SUSD6: variants seen among roughly 807,000 people sequenced by gnomAD.
SUSD6 encodes sushi domain-containing protein 6.
Under a neutral mutation model 28.4 loss-of-function variants are expected in SUSD6, and 16 were observed. That is an observed-to-expected ratio of 0.56 (90% CI 0.38 to 0.86). SUSD6 has a LOEUF of 0.86. Among genes scored for constraint, SUSD6 ranks in the 40% least tolerant of loss-of-function variants. SUSD6 has a pLI of 0.00. For missense variants in SUSD6, 341 were observed against 384.2 expected (o/e 0.89, Z 0.94); for synonymous variants, 147 against 159.6 (o/e 0.92, Z 0.59).
At chr14:69,692,944 GAT>G (rs1886173657) in intron 2 of SUSD6, among the ~76,000 whole-genome samples, 1 of 152,202 alleles carries the variant, frequency 6.6e-6, no homozygotes, top group Non-Finnish European at 1.5e-5. Flanking sequence ...TCAGGTAGGT[GAT>G]ATGGTGAAGG....
chr14:69,658,918 T>C (rs1885624104), intron 2 of SUSD6, among the ~76,000 whole-genome samples: 2 of 152,154 alleles, frequency 1.3e-5, no homozygotes, highest in Admixed American at 6.5e-5. Flanking sequence ...GGGAGCCTGC[T>C]GGTGGTAACC....
intron 2 of SUSD6, among the ~76,000 whole-genome samples, chr14:69,685,768 G>A (rs1301084686): frequency 6.6e-6 from 1 of 152,156 alleles, no homozygotes; most frequent in African/African-American, 2.4e-5. Flanking sequence ...GAAGTAGTGG[G>A]GATTCTGAAG....
chr14:69,701,940 A>G (rs1332570107), intron 2 of SUSD6, among the ~76,000 whole-genome samples: 1 of 152,102 alleles, frequency 6.6e-6, no homozygotes, highest in Non-Finnish European at 1.5e-5. Context: ...CCACTCCCCA[A>G]CCTGGCTGGC....
At chr14:69,612,981 G>C (rs1371524266) in intron 1 of SUSD6, among the ~76,000 whole-genome samples, 1 of 152,156 alleles carries the variant, frequency 6.6e-6, no homozygotes, top group Non-Finnish European at 1.5e-5. Context: ...TCACCATCTA[G>C]TGGAGGCTAG....
intron 1 of SUSD6, among the ~76,000 whole-genome samples, chr14:69,614,394 ATC>A (rs1884928909): frequency 6.6e-6 from 1 of 152,138 alleles, no homozygotes; most frequent in South Asian, 2.1e-4. Flanking sequence ...GTAATGTTGC[ATC>A]TCTCAGTAGG....
chr14:69,691,658 A>G (rs1007909922), intron 2 of SUSD6, among the ~76,000 whole-genome samples: 4 of 152,210 alleles, frequency 2.6e-5, no homozygotes, highest in African/African-American at 9.6e-5. Context: ...TGTTCTGGGC[A>G]GTGGCAGAAA....
intron 2 of SUSD6, among the ~76,000 whole-genome samples, chr14:69,669,796 AGT>A (rs1274587456): frequency 6.6e-6 from 1 of 151,530 alleles, no homozygotes; most frequent in Non-Finnish European, 1.5e-5. Flanking sequence ...AAGGAAGGAG[AGT>A]GGGCTTTGTG....
At chr14:69,700,429 C>T (rs747507939) in intron 2 of SUSD6, among the ~76,000 whole-genome samples, 63 of 152,094 alleles carry the variant, frequency 4.1e-4, no homozygotes, top group Non-Finnish European at 2.5e-4. Context: ...TCAGCGGCTC[C>T]CCCTTTTCTT....
chr14:69,688,770 T>C (rs1486709507), intron 2 of SUSD6, among the ~76,000 whole-genome samples: 2 of 152,244 alleles, frequency 1.3e-5, no homozygotes, highest in East Asian at 3.8e-4. Flanking sequence ...GGCAGACTTA[T>C]ATGGGCAGCT....
chr14:69,658,496 T>A lies in SUSD6; in HGVS notation c.-80-17T>A, dbSNP rs1033731356. 3.0e-6 allele frequency: 4 copies of A among 1,313,326 alleles called. No homozygotes were observed. The highest frequency in any genetic ancestry group is 4.4e-5 in the Admixed American group (2 of 45,960). 81.4% of individuals were successfully genotyped at this position (1,313,326 alleles called of 1,614,324 possible). ...TGGCTGAAGTTTTCACTTTATGTCC[T>A]TGTTTGTTTGTTACAGGTGAATCAG... is the stretch of plus-strand genomic sequence containing the variant. On this transcript the variant is annotated splice_polypyrimidine_tract_variant and intron_variant, in intron 1 of 5. Coordinates refer to ENST00000342745, the MANE Select transcript of SUSD6 (RefSeq NM_014734.4).
intron 2 of SUSD6, among the ~76,000 whole-genome samples, chr14:69,663,992 T>A (rs1377766890): frequency 6.6e-5 from 10 of 151,344 alleles, no homozygotes; most frequent in Admixed American, 2.0e-4. Flanking sequence ...TTTTTTTTTT[T>A]ATTTGAGATG....
chr14:69,633,563 GTTCAGATTAATTTCTTTTTTTCCTA>G (rs766229780), intron 1 of SUSD6, among the ~76,000 whole-genome samples: 2 of 152,038 alleles, frequency 1.3e-5, no homozygotes, highest in Non-Finnish European at 2.9e-5. Context: ...GATTATCTTG[GTTCAGATTAATTTCTTTTTTTCCTA>G]TTTTTTCATT....
chr14:69,698,423 C>T (rs1049449696), intron 2 of SUSD6, among the ~76,000 whole-genome samples: 1 of 152,226 alleles, frequency 6.6e-6, no homozygotes, highest in Non-Finnish European at 1.5e-5. Flanking sequence ...GCATGTCACA[C>T]TGATCTTTAT....
chr14:69,638,178 A>C, intron 1 of SUSD6, among the ~76,000 whole-genome samples: 1 of 152,132 alleles, frequency 6.6e-6, no homozygotes, highest in East Asian at 1.9e-4. Context: ...CAAATGATGA[A>C]TCTCTTTCCA....
chr14:69,693,782 G>A (rs1555346325), intron 2 of SUSD6, among the ~76,000 whole-genome samples: 1 of 152,186 alleles, frequency 6.6e-6, no homozygotes, highest in Non-Finnish European at 1.5e-5. Context: ...TGCAGAGCAG[G>A]CCCCTGGGTC....
chr14:69,626,113 G>A (rs1285050870), intron 1 of SUSD6, among the ~76,000 whole-genome samples: 1 of 152,028 alleles, frequency 6.6e-6, no homozygotes, highest in Admixed American at 6.5e-5. Context: ...CATTTTGAGA[G>A]GGGGGAAAAA....
chr14:69,713,519 T>C lies in SUSD6; in HGVS notation c.*2540T>C, dbSNP rs1214689976. The C allele has an allele frequency of 6.6e-6, 1 of 152,362 alleles. No individual in the cohort carries two copies. Among genetic ancestry groups the C allele is most frequent in the African/African-American group, 2.4e-5 (1 of 41,474 alleles). The allele number at this position is 152,362 out of a possible 1,614,324, so 9.4% of individuals were successfully genotyped here. Reference sequence around the variant, plus strand: ...TATGTCTTTCTTCCAAAGCAATTTCTTAACCATCAGCCATGTGCTGCTATT... The same window carrying C: ...TATGTCTTTCTTCCAAAGCAATTTCCTAACCATCAGCCATGTGCTGCTATT... On this transcript the variant is annotated 3_prime_UTR_variant, in exon 6 of 6. Coordinates refer to ENST00000342745, the MANE Select transcript of SUSD6 (RefSeq NM_014734.4).
intron 1 of SUSD6, among the ~76,000 whole-genome samples, chr14:69,613,371 T>A (rs1159101020): frequency 6.6e-6 from 1 of 152,250 alleles, no homozygotes; most frequent in Non-Finnish European, 1.5e-5. Context: ...GTTTACCTTT[T>A]GATAAAATTG....
In SUSD6 at chr14:69,622,814, G is replaced by A. The variant is rs190173437; in HGVS notation, c.-81+10986G>A. On this transcript the variant is annotated intron_variant, in intron 1 of 5. Transcript: ENST00000342745. Reference sequence around the variant, plus strand: ...TCACTATGTTGGTCAGGCTGGTCTCGAACTCCTGACCACAAGTGATCTGCC... The same window carrying A: ...TCACTATGTTGGTCAGGCTGGTCTCAAACTCCTGACCACAAGTGATCTGCC... 1.8e-3 allele frequency among the ~76,000 whole-genome samples: 267 copies of A among 152,232 alleles called. 2 individuals carry two copies. The highest frequency in any genetic ancestry group is 6.1e-3 in the African/African-American group (253 of 41,542).
Sources: allele counts gnomAD v4.1 joint callset (sites outside exome capture counted in the v4.1 genomes callset), GRCh38; gene constraint gnomAD v4.1.1; transcripts MANE v1.5; gene names NCBI Gene and HGNC (gene_info 2026-07-23, HGNC 2026-07-21).